Variants in LINGO2 observed in about 807,000 individuals in gnomAD.
LINGO2 encodes leucine-rich repeat and immunoglobulin-like domain-containing nogo receptor-interacting protein 2.
A neutral mutation model predicts 30.6 loss-of-function variants in LINGO2; 14 were observed. That is an observed-to-expected ratio of 0.46 (90% CI 0.30 to 0.72). LINGO2 has a LOEUF of 0.72. Ranked by LOEUF, LINGO2 falls within the 30% of genes least tolerant of loss-of-function variation. The probability of loss-of-function intolerance (pLI) is 0.07; values close to 1 mark genes in which losing one functional copy is unlikely to be tolerated. For synonymous variants in LINGO2, 317 were observed against 288.5 expected, an observed-to-expected ratio of 1.10 and a Z score of -1.00; for missense variants, 729 against 751.7, an observed-to-expected ratio of 0.97 and a Z score of 0.35.
intron 1 of LINGO2, among the ~76,000 whole-genome samples, chr9:28,532,096 G>C (rs80335013): frequency 6.6e-6 from 1 of 152,028 alleles, no homozygotes; most frequent in African/African-American, 2.4e-5. Flanking sequence ...TAACTGAACT[G>C]AGAGCAAGGA....
intron 1 of LINGO2, among the ~76,000 whole-genome samples, chr9:28,605,525 T>C (rs1302791570): frequency 6.6e-6 from 1 of 152,062 alleles, no homozygotes; most frequent in Non-Finnish European, 1.5e-5. Flanking sequence ...AAATATTGTA[T>C]ATCTCTCACT....
chr9:29,082,960 T>C, the LINGO2 span, among the ~76,000 whole-genome samples: 3 of 152,178 alleles, frequency 2.0e-5, no homozygotes, highest in African/African-American at 7.2e-5. Flanking sequence ...TGTGGAGAAA[T>C]AGGAACACTT....
At chr9:28,344,215 C>T (rs1010565149) in intron 3 of LINGO2, among the ~76,000 whole-genome samples, 1 of 151,962 alleles carries the variant, frequency 6.6e-6, no homozygotes, top group Admixed American at 6.6e-5. Flanking sequence ...GAAAAACAAC[C>T]TGGATCTTTT....
intron 4 of LINGO2, among the ~76,000 whole-genome samples, chr9:28,269,374 G>C (rs896122740): frequency 1.3e-5 from 2 of 151,962 alleles, no homozygotes; most frequent in African/African-American, 4.8e-5. Flanking sequence ...GGAACATTAA[G>C]TTTTCTGTCT....
intron 3 of LINGO2, among the ~76,000 whole-genome samples, chr9:28,367,099 G>T (rs1389279985): frequency 1.4e-5 from 2 of 144,956 alleles, no homozygotes; most frequent in African/African-American, 5.2e-5. Flanking sequence ...TATAATTTTG[G>T]TTAAATCAAA....
intron 5 of LINGO2, among the ~76,000 whole-genome samples, chr9:27,980,096 G>A (rs1215814535): frequency 3.3e-5 from 5 of 151,826 alleles, no homozygotes; most frequent in Admixed American, 6.6e-5. Flanking sequence ...ACCTCACTTC[G>A]AGGCAAGAAT....
chr9:28,131,056 C>T (rs534405357), intron 4 of LINGO2, among the ~76,000 whole-genome samples: 2 of 152,004 alleles, frequency 1.3e-5, no homozygotes, highest in South Asian at 4.2e-4. Flanking sequence ...CCCTTATCTC[C>T]TCATAATGAA....
intron 4 of LINGO2, among the ~76,000 whole-genome samples, chr9:28,051,586 ATC>A (rs2133062305): frequency 6.6e-6 from 1 of 152,206 alleles, no homozygotes; most frequent in Admixed American, 6.5e-5. Flanking sequence ...CATCCTAATG[ATC>A]TCAAATTTCA....
chr9:29,089,402 T>G, the LINGO2 span, among the ~76,000 whole-genome samples: 1 of 151,928 alleles, frequency 6.6e-6, no homozygotes, highest in Non-Finnish European at 1.5e-5. Flanking sequence ...GTAATAGTAT[T>G]ATTATCTTTT....
chr9:28,551,178 T>A (rs749055647), intron 1 of LINGO2, among the ~76,000 whole-genome samples: 6 of 150,672 alleles, frequency 4.0e-5, no homozygotes, highest in Non-Finnish European at 8.8e-5. Context: ...TATTTTAAAC[T>A]TTAAATAGAT....
At chr9:28,642,039 T>C (rs1423296845) in intron 1 of LINGO2, among the ~76,000 whole-genome samples, 1 of 150,898 alleles carries the variant, frequency 6.6e-6, no homozygotes, top group Admixed American at 6.7e-5. Flanking sequence ...AGCTAAAGCA[T>C]TTCCTTACAT....
the LINGO2 span, among the ~76,000 whole-genome samples, chr9:29,031,534 C>A: frequency 3.9e-5 from 6 of 152,044 alleles, no homozygotes; most frequent in African/African-American, 1.4e-4. Flanking sequence ...CTGCCCACCT[C>A]TGCCTCCCAA....
At position 28,349,892 on chromosome 9, in the gene LINGO2, C is replaced by T. The variant is rs969234776; in HGVS notation, c.-246+22944G>A. On this transcript the variant is annotated intron_variant, in intron 3 of 5. Transcript: ENST00000379992. ...TTTCAACCCAGAATTTCATATCCAG[C>T]CAAACTAAGCTTCATAAGTGAAGGA... Among the ~76,000 whole-genome samples, 13 of 152,152 alleles carry T rather than the reference C, an allele frequency of 8.5e-5. No homozygotes were observed. The Middle Eastern group carries it at 0.01, about 119-fold the overall frequency.
exon 6 of LINGO2, chr9:27,949,108 T>C (rs1389102716): frequency 3.5e-5 from 57 of 1,614,050 alleles, no homozygotes; most frequent in Non-Finnish European, 4.7e-5. Context: ...ATGGTGTCAT[T>C]GGAGTCGGTC....
intron 1 of LINGO2, among the ~76,000 whole-genome samples, chr9:28,523,012 A>G (rs1820882951): frequency 1.3e-5 from 2 of 152,152 alleles, no homozygotes; most frequent in Non-Finnish European, 2.9e-5. Context: ...AAATGTATAA[A>G]AAGCAGTGGA....
chr9:28,307,616 G>A (rs376696536), intron 3 of LINGO2, among the ~76,000 whole-genome samples: 6 of 151,968 alleles, frequency 3.9e-5, no homozygotes, highest in South Asian at 2.1e-4. Context: ...AGGGTATTCA[G>A]TTAGGAAAAG....
intron 5 of LINGO2, among the ~76,000 whole-genome samples, chr9:27,980,130 A>G (rs1187617066): frequency 4.6e-5 from 7 of 151,972 alleles, no homozygotes; most frequent in African/African-American, 1.7e-4. Context: ...TGAGAAAGAA[A>G]GGTGCAAAGG....
At chr9:28,455,381 T>C (rs1824805760) in intron 2 of LINGO2, among the ~76,000 whole-genome samples, 1 of 152,032 alleles carries the variant, frequency 6.6e-6, no homozygotes, top group Admixed American at 6.6e-5. Flanking sequence ...TCATAAGAAA[T>C]ATTTGATTTG....
intron 3 of LINGO2, among the ~76,000 whole-genome samples, chr9:28,363,161 G>A (rs928592863): frequency 5.3e-5 from 8 of 152,262 alleles, no homozygotes; most frequent in South Asian, 2.1e-4. Flanking sequence ...GATTAGAAGC[G>A]TCTCTTCCAA....
Sources: gnomAD v4.1 joint callset for allele counts (sites outside exome capture counted in the v4.1 genomes callset) on GRCh38, gnomAD v4.1.1 for gene constraint, MANE v1.5 for transcripts, NCBI Gene and HGNC (gene_info 2026-07-23, HGNC 2026-07-21) for gene names.